Variants in NLRP13 observed in about 807,000 individuals in gnomAD.
NLRP13 encodes the protein NLR family pyrin domain containing 13, also known as NACHT, LRR and PYD domains-containing protein 13.
A neutral mutation model predicts 94.4 loss-of-function variants in NLRP13; 82 were observed. That is an observed-to-expected ratio of 0.87 (90% CI 0.73 to 1.04). The LOEUF is 1.04. Among genes scored for constraint, NLRP13 ranks in the 50% least tolerant of loss-of-function variants. The pLI, the probability that NLRP13 is intolerant of heterozygous loss-of-function variation, is 0.00. For missense variants in NLRP13, 1,426 were observed against 1,230.8 expected, an observed-to-expected ratio of 1.16 and a Z score of -2.37; for synonymous variants, 553 against 464.7, an observed-to-expected ratio of 1.19 and a Z score of -2.45.
At position 55,912,519 on chromosome 19, in the gene NLRP13, G is replaced by C; in HGVS notation, c.1298C>G (p.Ser433Cys). 1 of 1,614,138 alleles carries C rather than the reference G, an allele frequency of 6.2e-7. No homozygotes were observed. Among genetic ancestry groups the C allele is most frequent in the African/African-American group, 1.3e-5 (1 of 75,046 alleles). The change falls in exon 5 of 11, where the codon TCC (serine) becomes TGC (cysteine). Residue 433 changes from serine to cysteine, a missense_variant. Physicochemically the swap from Ser to Cys is moderately radical, Grantham distance 112 (BLOSUM62 -1). Coordinates refer to ENST00000342929, the MANE Select transcript of NLRP13 (RefSeq NM_176810.2). ...CCTCACCTTCGGCTGCTTCAGACAG[G>C]AACATACGGTCCAACACACCATGGG... ...SAPMVCWTVCSCLKQPKVRYY... is the reference protein window; with the variant it reads ...SAPMVCWTVCCCLKQPKVRYY...
At position 55,911,956 on chromosome 19, in the gene NLRP13, C is replaced by T. The variant is rs773779597; in HGVS notation, c.1861G>A (p.Glu621Lys). ...RVMEELLKWG[E>K]ELGKAESASL... ...GCACTTTCAGCCTTACCTAACTCTTCTCCCCACTTTAATAATTCCTCCATT... is the reference window on the plus strand; with the variant it reads ...GCACTTTCAGCCTTACCTAACTCTTTTCCCCACTTTAATAATTCCTCCATT... The change falls in exon 5 of 11, where the codon GAA becomes AAA. Residue 621 changes from glutamate (E) to lysine (K), a missense_variant. Glu to Lys is a moderately conservative substitution (Grantham distance 56, BLOSUM62 1). Transcript: ENST00000342929. The T allele has an allele frequency of 1.2e-6, 2 of 1,614,212 alleles. No homozygotes were observed. The highest frequency in any genetic ancestry group is 1.1e-5 in the South Asian group (1 of 91,086).
intron 4 of NLRP13, among the ~76,000 whole-genome samples, chr19:55,920,341 G>T (rs974700644): frequency 6.6e-6 from 1 of 152,022 alleles, no homozygotes; most frequent in South Asian, 2.1e-4. Flanking sequence ...CCTTAATTAA[G>T]AAGTTTCTAC....
intron 1 of NLRP13, among the ~76,000 whole-genome samples, chr19:55,926,787 C>A (rs1307478614): frequency 6.6e-6 from 1 of 152,094 alleles, no homozygotes; most frequent in African/African-American, 2.4e-5. Flanking sequence ...ATGATTCCTA[C>A]ATAATTTAAA....
intron 6 of NLRP13, among the ~76,000 whole-genome samples, chr19:55,910,020 C>G (rs1986459106): frequency 6.6e-6 from 1 of 152,130 alleles, no homozygotes; most frequent in African/African-American, 2.4e-5. Flanking sequence ...AGATGCCACC[C>G]TCTTGGGTCC....
downstream of NLRP13, among the ~76,000 whole-genome samples, chr19:55,894,303 A>C (rs1382553572): frequency 6.6e-6 from 1 of 151,986 alleles, no homozygotes; most frequent in African/African-American, 2.4e-5. Flanking sequence ...TGGCCTCTCA[A>C]AGTGCTGGAA....
chr19:55,928,438 C>A (rs2123149230), intron 1 of NLRP13, among the ~76,000 whole-genome samples: 1 of 152,112 alleles, frequency 6.6e-6, no homozygotes, highest in East Asian at 1.9e-4. Flanking sequence ...ACATCAGTGA[C>A]AAGAAACAGG....
In NLRP13 at chr19:55,913,222, T is replaced by C. The variant is rs751302768; in HGVS notation, c.595A>G (p.Lys199Glu). The C allele has an allele frequency of 3.1e-6, 5 of 1,614,176 alleles. No homozygotes were observed. The highest frequency in any genetic ancestry group is 1.7e-5 in the Admixed American group (1 of 60,018). Residue 199 changes from lysine (K) to glutamate (E), a missense_variant, in exon 5 of 11, where the codon AAA becomes GAA. Physicochemically the swap from Lys to Glu is moderately conservative, Grantham distance 56. Transcript: ENST00000342929. ...LETWDNISWPKDHVYIRNTSK... is the reference protein window; with the variant it reads ...LETWDNISWPEDHVYIRNTSK... ...GTATTACGGATATATACGTGGTCTT[T>C]AGGCCAACTGATGTTGTCCCATGTC...
intron 1 of NLRP13, among the ~76,000 whole-genome samples, chr19:55,930,898 A>ATACACACACGTATATATATACAT: frequency 9.5e-6 from 1 of 104,898 alleles, no homozygotes; most frequent in African/African-American, 3.9e-5. Flanking sequence ...ATATATATAT[A>ATACACACACGTATATATATACAT]AAATTTTAAC....
rs1354011156 is a variant in NLRP13, at chr19:55,924,977, T to C, written c.378A>G (p.Glu126=). The change falls in exon 2 of 11, where the codon GAA becomes GAG. Residue 126 remains glutamate, a synonymous_variant. Transcript: ENST00000342929. ...DPTQEDLEML[E]AAAGNMQTQG... ...AAGTAGTGTACACACCTGCTGCTGCTTCTAGCATCTCTAGATCTTCCTGGG... is the reference window on the plus strand; with the variant it reads ...AAGTAGTGTACACACCTGCTGCTGCCTCTAGCATCTCTAGATCTTCCTGGG... The C allele has an allele frequency of 6.2e-7, 1 of 1,614,084 alleles. No homozygotes were observed. The highest frequency in any genetic ancestry group is 8.5e-7 in the Non-Finnish European group (1 of 1,179,914).
chr19:55,924,783 C>T (rs1986927795), intron 2 of NLRP13, 125 bp from the exon 3 acceptor site: 1 of 868,372 alleles, frequency 1.2e-6, no homozygotes, highest in South Asian at 1.5e-5. Flanking sequence ...CTGGAGGAAT[C>T]AGTATGCCCA....
chr19:55,931,901 A>ATTTT, intron 1 of NLRP13, 92 bp downstream of exon 1: 2 of 1,001,966 alleles, frequency 2.0e-6, no homozygotes, highest in Non-Finnish European at 3.1e-6. Flanking sequence ...GGAGATCGGC[A>ATTTT]GTGTGGAATG....
In NLRP13 at chr19:55,904,421, C is replaced by T. The variant is rs112551720; in HGVS notation, c.2618+521G>A. 2.8e-3 allele frequency among the ~76,000 whole-genome samples: 425 copies of T among 152,240 alleles called. 1 individual carries two copies. Among genetic ancestry groups the T allele is most frequent in the African/African-American group, 9.7e-3 (401 of 41,538 alleles). On this transcript the variant is annotated intron_variant, in intron 8 of 10. Coordinates refer to ENST00000342929, the MANE Select transcript of NLRP13 (RefSeq NM_176810.2). ...GGCCTTTCACTCTGCTGTTCCTTCT[C>T]CGCATACGGCTGCCTCCCCCTTGCT...
At chr19:55,898,978 G>T in intron 9 of NLRP13, 41 bp from the exon 10 acceptor site, 3 of 1,580,824 alleles carry the variant, frequency 1.9e-6, no homozygotes, top group Non-Finnish European at 2.6e-6. Flanking sequence ...AAGTAATTGC[G>T]TCCCGAAGCT....
In NLRP13 at chr19:55,923,895, C is replaced by T. The variant is rs1986903261; in HGVS notation, c.523+19G>A. ...CGTCAAGCAACCTGTCCATTATCAA[C>T]ATAAAGTAGTATACACACCTGCTTC... On this transcript the variant is annotated intron_variant, in intron 4 of 10. Transcript: ENST00000342929. 6.3e-7 allele frequency: 1 copy of T among 1,599,328 alleles called. No homozygotes were observed. Among genetic ancestry groups the T allele is most frequent in the Non-Finnish European group, 8.6e-7 (1 of 1,166,516 alleles).
At chr19:55,906,695 C>G (rs2123115146) in intron 7 of NLRP13, among the ~76,000 whole-genome samples, 1 of 152,194 alleles carries the variant, frequency 6.6e-6, no homozygotes, top group Non-Finnish European at 1.5e-5. Flanking sequence ...GGACTCCAAC[C>G]TATCACAGAG....
chr19:55,903,643 G>GC (rs569134013), intron 8 of NLRP13, among the ~76,000 whole-genome samples: 1 of 151,928 alleles, frequency 6.6e-6, no homozygotes, highest in Admixed American at 6.6e-5. Flanking sequence ...ACCCTGCTCT[G>GC]CCCCCAATCT....
intron 10 of NLRP13, 106 bp downstream of exon 10, chr19:55,898,664 G>C (rs879280637): frequency 3.3e-6 from 4 of 1,212,192 alleles, no homozygotes; most frequent in Admixed American, 2.6e-5. Context: ...TAGATGGCTT[G>C]TCCTTACTTT....
At chr19:55,910,234 T>C (rs1447941013) in intron 6 of NLRP13, among the ~76,000 whole-genome samples, 2 of 152,200 alleles carry the variant, frequency 1.3e-5, no homozygotes, top group East Asian at 3.8e-4. Context: ...ACTACACGTG[T>C]CTGTAGCTCT....
intron 9 of NLRP13, among the ~76,000 whole-genome samples, chr19:55,901,412 G>T (rs1199999987): frequency 6.6e-6 from 1 of 152,174 alleles, no homozygotes; most frequent in Non-Finnish European, 1.5e-5. Flanking sequence ...GGAGAGAAGG[G>T]AGAGTAAGGG....
Sources: allele counts gnomAD v4.1 joint callset (sites outside exome capture counted in the v4.1 genomes callset), GRCh38; gene constraint gnomAD v4.1.1; transcripts MANE v1.5; gene names NCBI Gene and HGNC (gene_info 2026-07-23, HGNC 2026-07-21).